IRAG2: variants seen among roughly 807,000 people sequenced by gnomAD.
IRAG2 encodes lymphoid restricted membrane protein.
A neutral mutation model predicts 69.9 loss-of-function variants in IRAG2; 45 were observed. The ratio of observed to expected loss-of-function variants is 0.64; its 90% confidence interval spans 0.51 to 0.83. The LOEUF (loss-of-function observed/expected upper bound fraction) is 0.83, where lower values mean the gene tolerates loss of function less well. Among genes scored for constraint, IRAG2 ranks in the 40% least tolerant of loss-of-function variants. IRAG2 has a pLI of 0.00. For synonymous variants in IRAG2, 193 were observed against 202.4 expected, an observed-to-expected ratio of 0.95 and a Z score of 0.40; for missense variants, 520 against 587.0, an observed-to-expected ratio of 0.89 and a Z score of 1.18.
rs114714114 is a variant in IRAG2, at chr12:25,014,585, G to A, written c.897-597G>A. ...GAAATGTTAATATGTTTATTTTGCA[G>A]TTCAAGCTAGAGTGTGTGTGCTACA... On this transcript the variant is annotated intron_variant, in intron 3 of 38. Coordinates refer to the IRAG2 transcript ENST00000636465. Among the ~76,000 whole-genome samples, 367 of 151,450 alleles carry A rather than the reference G, an allele frequency of 2.4e-3. 1 individual carries two copies. The highest frequency in any genetic ancestry group is 8.5e-3 in the African/African-American group (350 of 41,064).
At chr12:25,030,433 C>T in intron 10 of IRAG2, 1 of 839,506 alleles carries the variant, frequency 1.2e-6, no homozygotes, top group Non-Finnish European at 1.6e-6. Flanking sequence ...GTTGCCCAGG[C>T]TGGAGTGCAA....
At chr12:25,080,520 T>C (rs990305597) in intron 9 of IRAG2, among the ~76,000 whole-genome samples, 25 of 151,930 alleles carry the variant, frequency 1.6e-4, no homozygotes, top group African/African-American at 5.1e-4. Context: ...CCCATCTAAT[T>C]TTTTTGTATT....
intron 3 of IRAG2, among the ~76,000 whole-genome samples, chr12:25,014,166 G>T (rs1229081354): frequency 6.6e-6 from 1 of 151,510 alleles, no homozygotes; most frequent in African/African-American, 2.4e-5. Flanking sequence ...TGAGCCACCA[G>T]GCCCGGCCTA....
chr12:25,098,399 C>T (rs1478185028), intron 15 of IRAG2, among the ~76,000 whole-genome samples: 1 of 152,204 alleles, frequency 6.6e-6, no homozygotes, highest in Non-Finnish European at 1.5e-5. Context: ...CTTCCAACCT[C>T]ACTGAGGAAA....
upstream of IRAG2, among the ~76,000 whole-genome samples, chr12:25,000,866 C>T (rs552836966): frequency 2.0e-5 from 3 of 152,312 alleles, no homozygotes; most frequent in East Asian, 5.8e-4. Context: ...TTTTCAAAGG[C>T]AGTTACTGTA....
intron 20 of IRAG2, among the ~76,000 whole-genome samples, chr12:25,105,441 TTTATA>T (rs2140266972): frequency 6.6e-6 from 1 of 152,268 alleles, no homozygotes; most frequent in African/African-American, 2.4e-5. Context: ...TTTATTTTAT[TTTATA>T]CATTTTCGTG....
intron 6 of IRAG2, among the ~76,000 whole-genome samples, chr12:25,069,958 AC>A (rs1435732888): frequency 1.3e-5 from 2 of 152,150 alleles, no homozygotes; most frequent in Non-Finnish European, 2.9e-5. Context: ...TGAGAAGGTC[AC>A]TTAGGTCACT....
intron 6 of IRAG2, among the ~76,000 whole-genome samples, chr12:25,077,395 A>AG (rs1946898464): frequency 7.4e-6 from 1 of 134,742 alleles, no homozygotes; most frequent in African/African-American, 2.8e-5. Flanking sequence ...TATATATATG[A>AG]AATATATATA....
chr12:25,105,386 A>G (rs1469136730), intron 20 of IRAG2, among the ~76,000 whole-genome samples: 1 of 152,012 alleles, frequency 6.6e-6, no homozygotes, highest in East Asian at 1.9e-4. Context: ...TTCAGTTTTC[A>G]TATCTGTTAA....
At chr12:25,041,375 TTC>T (rs1944747395) in intron 16 of IRAG2, among the ~76,000 whole-genome samples, 1 of 152,254 alleles carries the variant, frequency 6.6e-6, no homozygotes. Context: ...TTTTATCTTT[TTC>T]TTCTTTCTTT....
rs139897655 is a variant in IRAG2 at position 25,043,246 on chromosome 12, G to A, written c.2144+5109G>A. Among the ~76,000 whole-genome samples, 71 of 152,236 alleles carry A rather than the reference G, an allele frequency of 4.7e-4. 1 individual carries two copies. The East Asian group carries it at 0.012, about 26-fold the overall frequency. ...ATCCTTATCCCTAGCTTAGCGCCAC[G>A]CCAATGGAAAGAAACCTCCAGCTCT... On this transcript the variant is annotated intron_variant, in intron 16 of 38. Coordinates refer to the IRAG2 transcript ENST00000636465.
intron 14 of IRAG2, among the ~76,000 whole-genome samples, chr12:25,091,408 T>C (rs1948050237): frequency 6.6e-6 from 1 of 152,222 alleles, no homozygotes. Flanking sequence ...GGCTTATCCA[T>C]ATTATAGCAT....
At chr12:25,036,607 C>A (rs773750458) in exon 15 of IRAG2, 4 of 398,740 alleles carry the variant, frequency 1.0e-5, no homozygotes, top group Non-Finnish European at 1.8e-5. Context: ...TCTAAAATTG[C>A]AACCCTCATT....
intron 9 of IRAG2, chr12:25,030,268 C>T (rs748762870): frequency 3.6e-5 from 44 of 1,231,440 alleles, no homozygotes; most frequent in Non-Finnish European, 4.5e-5. Context: ...CTAAATTCGT[C>T]TCTTTTCAGA....
chr12:25,045,652 C>T (rs1264973339), intron 16 of IRAG2, among the ~76,000 whole-genome samples: 1 of 151,518 alleles, frequency 6.6e-6, no homozygotes, highest in Admixed American at 6.6e-5. Flanking sequence ...AAACATACAC[C>T]CCATCATATT....
At chr12:25,035,999 A>G (rs1002067660) in intron 14 of IRAG2, among the ~76,000 whole-genome samples, 1 of 152,178 alleles carries the variant, frequency 6.6e-6, no homozygotes, top group African/African-American at 2.4e-5. Flanking sequence ...TGACCATTAG[A>G]TACGGATTGC....
chr12:25,072,142 TTGAG>T (rs1946379248), intron 6 of IRAG2, among the ~76,000 whole-genome samples: 1 of 151,334 alleles, frequency 6.6e-6, no homozygotes, highest in Non-Finnish European at 1.5e-5. Context: ...AAGGAGGAGG[TTGAG>T]TGAGCCGAGA....
intron 7 of IRAG2, among the ~76,000 whole-genome samples, chr12:25,021,272 C>G (rs545813519): frequency 6.6e-6 from 1 of 151,774 alleles, no homozygotes; most frequent in South Asian, 2.1e-4. Flanking sequence ...GCTTGGCCTC[C>G]TTTTCAATCA....
chr12:25,096,742 GATA>G (rs899724614), intron 14 of IRAG2, 165 bp from the exon 15 acceptor site: 3 of 512,532 alleles, frequency 5.9e-6, no homozygotes, highest in African/African-American at 4.0e-5. Flanking sequence ...ACCCAAAAAA[GATA>G]ATAATATATC....
Sources: allele counts gnomAD v4.1 joint callset (sites outside exome capture counted in the v4.1 genomes callset), GRCh38; gene constraint gnomAD v4.1.1; transcripts MANE v1.5; gene names NCBI Gene and HGNC (gene_info 2026-07-23, HGNC 2026-07-21).